Variants in CEP55 observed in about 807,000 individuals in gnomAD.
CEP55 encodes the protein centrosomal protein 55.
A neutral mutation model predicts 63.2 loss-of-function variants in CEP55; 57 were observed. The observed-to-expected ratio is 0.90, with a 90% CI of 0.73 to 1.13. CEP55 has a LOEUF of 1.13. Among genes scored for constraint, CEP55 ranks in the 50% most tolerant of loss-of-function variants. The pLI is 0.00. For missense variants in CEP55, 456 were observed against 518.9 expected (o/e 0.88, Z 1.18); for synonymous variants, 178 against 191.6 (o/e 0.93, Z 0.59).
At chr10:93,497,412 T>G (rs1393522525) in intron 1 of CEP55, among the ~76,000 whole-genome samples, 1 of 152,132 alleles carries the variant, frequency 6.6e-6, no homozygotes, top group Non-Finnish European at 1.5e-5. Flanking sequence ...ACTACAGGCG[T>G]GCGCCACCAC....
chr10:93,505,781 A>G (rs1266735159), intron 3 of CEP55, among the ~76,000 whole-genome samples: 3 of 152,188 alleles, frequency 2.0e-5, no homozygotes, highest in Admixed American at 1.3e-4. Flanking sequence ...CTCTGAGAAA[A>G]TGAAGAGGAG....
intron 3 of CEP55, among the ~76,000 whole-genome samples, chr10:93,506,211 GGATT>G (rs201937654): frequency 0.014 from 2,165 of 152,184 alleles, 24 homozygotes; most frequent in Non-Finnish European, 0.025. Context: ...CAAAGTGTTG[GGATT>G]ATAGGCGCGA....
Position 93,517,220 on chromosome 10 carries a change from A to C in CEP55, c.965A>C (p.Lys322Thr). 1.2e-6 allele frequency: 2 copies of C among 1,606,598 alleles called. No homozygotes were observed. Among genetic ancestry groups the C allele is most frequent in the Non-Finnish European group, 8.5e-7 (1 of 1,176,660 alleles). ...DIARGKLEEE[K>T]KRSEELLSQV... is the part of the protein sequence containing the mutation. ...GCTAGGGGAAAACTTGAAGAAGAGA[A>C]GAAGAGATCCGAAGAGCTCTTATCT... Residue 322 changes from lysine to threonine, a missense_variant, in exon 6 of 9, where the codon AAG (lysine) becomes ACG (threonine). Lys to Thr is a moderately conservative substitution (Grantham distance 78, BLOSUM62 -1). Transcript: ENST00000371485.
At position 93,519,707 on chromosome 10, in the gene CEP55, A is replaced by C. The variant is rs771921720; in HGVS notation, c.1091A>C (p.Glu364Ala). The C allele has an allele frequency of 6.2e-7, 1 of 1,614,064 alleles. No individual in the cohort carries two copies. The highest frequency in any genetic ancestry group is 8.5e-7 in the Non-Finnish European group (1 of 1,180,036). Residue 364 changes from glutamate (E) to alanine (A), a missense_variant, in exon 8 of 9, where the codon GAA (glutamate) becomes GCA (alanine). Glu to Ala is a moderately radical substitution (Grantham distance 107, BLOSUM62 -1). Transcript: ENST00000371485. The stretch of plus-strand genomic sequence containing the variant: ...ATGCAGGCATGTACTTTAGACTTTG[A>C]AAATGAAAAACTCGACCGTCAACAT... ...QQMQACTLDF[E>A]NEKLDRQHVQ...
At chr10:93,512,295 C>T (rs1323427242) in intron 4 of CEP55, among the ~76,000 whole-genome samples, 4 of 148,640 alleles carry the variant, frequency 2.7e-5, no homozygotes, top group East Asian at 4.0e-4. Context: ...GAGGCCAAGG[C>T]GGGCAGATCA....
intron 4 of CEP55, among the ~76,000 whole-genome samples, chr10:93,509,293 T>C (rs2057718716): frequency 6.6e-6 from 1 of 152,102 alleles, no homozygotes; most frequent in Admixed American, 6.6e-5. Context: ...GAAAGGCGTT[T>C]ATACAAATGG....
At chr10:93,511,310 G>A (rs1401088083) in intron 4 of CEP55, among the ~76,000 whole-genome samples, 2 of 152,060 alleles carry the variant, frequency 1.3e-5, no homozygotes, top group East Asian at 1.9e-4. Context: ...ATTGTTAAAT[G>A]CATGCCTAAC....
chr10:93,504,429 C>T (rs186590184), intron 3 of CEP55, among the ~76,000 whole-genome samples: 5 of 151,798 alleles, frequency 3.3e-5, no homozygotes, highest in East Asian at 1.9e-4. Flanking sequence ...GCCAAGATTG[C>T]GCCACTGTAC....
chr10:93,528,232 T>C lies in CEP55; in HGVS notation c.*79T>C. 7.7e-7 allele frequency: 1 copy of C among 1,292,072 alleles called. No individual in the cohort carries two copies. 80.0% of individuals were successfully genotyped at this position (1,292,072 alleles called of 1,614,324 possible). A position where few individuals can be genotyped will look rare whatever the true frequency, so the allele number is the denominator to read the frequency against. Reference sequence around the variant, plus strand: ...GCTTGTGGGCATTTTGAATTATATATTTCACATTTTGCATAAAACTGCCTA... The same window carrying C: ...GCTTGTGGGCATTTTGAATTATATACTTCACATTTTGCATAAAACTGCCTA... On this transcript the variant is annotated 3_prime_UTR_variant, in exon 9 of 9. Transcript: ENST00000371485.
At chr10:93,518,210 C>T (rs764159926) in intron 6 of CEP55, among the ~76,000 whole-genome samples, 10 of 151,812 alleles carry the variant, frequency 6.6e-5, no homozygotes, top group East Asian at 3.9e-4. Context: ...AATGCAATGG[C>T]GTAATCTCAG....
At chr10:93,527,528 T>C (rs529693790) in intron 8 of CEP55, among the ~76,000 whole-genome samples, 1 of 152,272 alleles carries the variant, frequency 6.6e-6, no homozygotes, top group South Asian at 2.1e-4. Flanking sequence ...AAAGAAAATC[T>C]GTCTACAGTG....
In CEP55 at chr10:93,517,203, A is replaced by G. The variant is rs374512215; in HGVS notation, c.948A>G (p.Gly316=). ...GGGAAGAGAATGATATTGCTAGGGG[A>G]AAACTTGAAGAAGAGAAGAAGAGAT... ...KLREENDIAR[G]KLEEEKKRSE... is the part of the protein sequence containing the mutation. The change falls in exon 6 of 9, where the codon GGA becomes GGG. Residue 316 remains glycine, a synonymous_variant. Coordinates refer to ENST00000371485, the MANE Select transcript of CEP55 (RefSeq NM_018131.5). 6.2e-7 allele frequency: 1 copy of G among 1,609,706 alleles called. No individual in the cohort carries two copies. The highest frequency in any genetic ancestry group is 8.5e-7 in the Non-Finnish European group (1 of 1,178,218).
chr10:93,499,258 T>A (rs1418244266), intron 1 of CEP55, among the ~76,000 whole-genome samples: 1 of 152,174 alleles, frequency 6.6e-6, no homozygotes, highest in Non-Finnish European at 1.5e-5. Flanking sequence ...TTAAGATGGA[T>A]CTGAACTAGG....
At chr10:93,504,408 G>T (rs1317412815) in intron 3 of CEP55, among the ~76,000 whole-genome samples, 1 of 152,020 alleles carries the variant, frequency 6.6e-6, no homozygotes, top group Non-Finnish European at 1.5e-5. Context: ...GAAAGGTGGA[G>T]GTTGCAGTGA....
In CEP55 at chr10:93,503,220, T is replaced by C. The variant is rs1245432280; in HGVS notation, c.291T>C (p.Thr97=). ...ACCAACTGAAGGCCAGATATAGTACTACCACATTGCTTGAACAGCTGGAAG... is the reference window on the plus strand; with the variant it reads ...ACCAACTGAAGGCCAGATATAGTACCACCACATTGCTTGAACAGCTGGAAG... ...LRDQLKARYS[T]TTLLEQLEET... is the part of the protein sequence containing the mutation. Residue 97 remains threonine, a synonymous_variant, in exon 3 of 9, where the codon ACT becomes ACC. Coordinates refer to ENST00000371485, the MANE Select transcript of CEP55 (RefSeq NM_018131.5). The C allele has an allele frequency of 1.9e-6, 3 of 1,613,846 alleles. No homozygotes were observed. The highest frequency in any genetic ancestry group is 8.5e-7 in the Non-Finnish European group (1 of 1,179,926).
chr10:93,505,547 A>C (rs578186294), intron 3 of CEP55, among the ~76,000 whole-genome samples: 1 of 152,358 alleles, frequency 6.6e-6, no homozygotes, highest in African/African-American at 2.4e-5. Flanking sequence ...AAAGGGATTT[A>C]GAGAACTATC....
chr10:93,504,903 C>T (rs1298529965), intron 3 of CEP55, among the ~76,000 whole-genome samples: 1 of 152,162 alleles, frequency 6.6e-6, no homozygotes, highest in Admixed American at 6.5e-5. Flanking sequence ...CAACCTCCAC[C>T]TGGGTTCAAG....
In CEP55 at chr10:93,518,926, G is replaced by A. The variant is rs75139274; in HGVS notation, c.1043G>A (p.Arg348Lys). The A allele has an allele frequency of 0.092, 148,402 of 1,611,614 alleles. 7,958 individuals are homozygous for A. The highest frequency in any genetic ancestry group is 0.11 in the Non-Finnish European group (126,729 of 1,177,894). Residue 348 changes from arginine to lysine, a missense_variant, in exon 7 of 9, where the codon AGG becomes AAG. By Grantham distance (26) the Arg-to-Lys change is conservative. Transcript: ENST00000371485. ...CTAAAGCAGCAAGAAGAACAAACAA[G>A]GGTAGCTCTGTTGGAACAACAGGTA... ...SLLKQQEEQTRVALLEQQMQA... is the reference protein window; with the variant it reads ...SLLKQQEEQTKVALLEQQMQA...
intron 4 of CEP55, among the ~76,000 whole-genome samples, chr10:93,508,926 C>T (rs1408973700): frequency 1.3e-5 from 2 of 152,166 alleles, no homozygotes; most frequent in African/African-American, 2.4e-5. Flanking sequence ...TTCAACCTTT[C>T]CATCAGAATA....
Sources: gnomAD v4.1 joint callset for allele counts (sites outside exome capture counted in the v4.1 genomes callset) on GRCh38, gnomAD v4.1.1 for gene constraint, MANE v1.5 for transcripts, NCBI Gene and HGNC (gene_info 2026-07-23, HGNC 2026-07-21) for gene names.